FOCAD: variants seen among roughly 807,000 people sequenced by gnomAD.
FOCAD encodes KIAA1797.
In FOCAD, 198 loss-of-function variants were observed where a neutral mutation model predicts 225.6. The observed-to-expected ratio is 0.88, with a 90% CI of 0.78 to 0.99. The LOEUF (loss-of-function observed/expected upper bound fraction) is 0.99. Ranked by LOEUF, FOCAD falls within the 50% of genes least tolerant of loss-of-function variation. The pLI is 0.00. For synonymous variants in FOCAD, 897 were observed against 755.0 expected (o/e 1.19, Z -3.08); for missense variants, 2,713 against 2,123.6 (o/e 1.28, Z -5.46).
chr9:20,736,578 C>G (rs1827168070), intron 4 of FOCAD, among the ~76,000 whole-genome samples: 1 of 152,124 alleles, frequency 6.6e-6, no homozygotes, highest in Non-Finnish European at 1.5e-5. Context: ...TAGTTTTAGG[C>G]AAATTCCAGG....
chr9:20,706,971 A>T (rs778393173), intron 1 of FOCAD, among the ~76,000 whole-genome samples: 3 of 152,260 alleles, frequency 2.0e-5, no homozygotes, highest in Non-Finnish European at 4.4e-5. Context: ...TGGAGGAAGC[A>T]GACCCCAGCC....
chr9:20,913,717 G>T (rs78421686), intron 23 of FOCAD, among the ~76,000 whole-genome samples: 3,515 of 152,148 alleles, frequency 0.023, 49 homozygotes, highest in Non-Finnish European at 0.034. Context: ...ATATTTTCTA[G>T]ATTTATCAAA....
In FOCAD at chr9:20,874,782, A is replaced by T; in HGVS notation, c.2292A>T (p.Ser764=). ...VPGSCYLKLL[S]LTPPLVLPAL... ...GCTCTTGCTATCTCAAACTGTTGTC[A>T]CTCACTCCCCCTTTGGTTTTACCAG... is the stretch of plus-strand genomic sequence containing the variant. The change falls in exon 19 of 44, where the codon TCA becomes TCT. Residue 764 remains serine, a synonymous_variant. Coordinates refer to ENST00000338382, the MANE Select transcript of FOCAD (RefSeq NM_001375567.1). 6.2e-7 allele frequency: 1 copy of T among 1,613,506 alleles called. No homozygotes were observed. The highest frequency in any genetic ancestry group is 8.5e-7 in the Non-Finnish European group (1 of 1,179,674).
intron 2 of FOCAD, among the ~76,000 whole-genome samples, chr9:20,668,896 G>A (rs1821975455): frequency 6.6e-6 from 1 of 152,126 alleles, no homozygotes; most frequent in Non-Finnish European, 1.5e-5. Context: ...CTGTTCCCAG[G>A]CTGTGTGGCA....
At chr9:20,715,105 A>C (rs1293635404) in intron 1 of FOCAD, among the ~76,000 whole-genome samples, 1 of 152,228 alleles carries the variant, frequency 6.6e-6, no homozygotes, top group African/African-American at 2.4e-5. Flanking sequence ...GGAAAAACCA[A>C]GAGCTGTTGG....
chr9:20,939,400 T>G (rs950875158), intron 28 of FOCAD, among the ~76,000 whole-genome samples: 5 of 152,124 alleles, frequency 3.3e-5, no homozygotes, highest in African/African-American at 1.2e-4. Flanking sequence ...CCAAAGATGT[T>G]CATTGTAGCT....
At chr9:20,843,646 C>T (rs1170994422) in intron 15 of FOCAD, among the ~76,000 whole-genome samples, 1 of 152,006 alleles carries the variant, frequency 6.6e-6, no homozygotes, top group Non-Finnish European at 1.5e-5. Flanking sequence ...TGATATCTTT[C>T]TCTAGGTTTG....
intron 26 of FOCAD, among the ~76,000 whole-genome samples, chr9:20,927,445 G>A (rs1214647329): frequency 6.6e-6 from 1 of 151,856 alleles, no homozygotes; most frequent in African/African-American, 2.4e-5. Flanking sequence ...TAAAAAGATT[G>A]TGAAGATCAA....
intron 18 of FOCAD, among the ~76,000 whole-genome samples, chr9:20,873,257 G>A (rs1197449315): frequency 1.3e-5 from 2 of 152,110 alleles, no homozygotes; most frequent in African/African-American, 4.8e-5. Flanking sequence ...TGTGTAAAAT[G>A]TCAGGAAGCA....
chr9:20,660,002 G>T lies in FOCAD; in HGVS notation c.-78+1176G>T, dbSNP rs571783029. Among the ~76,000 whole-genome samples, 3 of 152,292 alleles carry T rather than the reference G, an allele frequency of 2.0e-5. No individual in the cohort carries two copies. The South Asian group carries it at 6.2e-4, about 32-fold the overall frequency. On this transcript the variant is annotated intron_variant, in intron 2 of 45. Transcript: ENST00000380249. Reference sequence around the variant, plus strand: ...GGCTGGGTGAATAATATGCCATCAAGGCCTGAAGTAAGAAATATAGGAAGA... The same window carrying T: ...GGCTGGGTGAATAATATGCCATCAATGCCTGAAGTAAGAAATATAGGAAGA...
At chr9:20,988,276 T>C in intron 40 of FOCAD, 56 bp from the exon 41 acceptor site, 1 of 1,113,938 alleles carries the variant, frequency 9.0e-7, no homozygotes, top group Non-Finnish European at 1.3e-6. Flanking sequence ...TACTGATCTG[T>C]TTTACATTTC....
At chr9:20,865,796 C>T (rs909687042) in intron 16 of FOCAD, 130 bp from the exon 17 acceptor site, 13 of 599,456 alleles carry the variant, frequency 2.2e-5, no homozygotes, top group African/African-American at 5.8e-5. Flanking sequence ...TGGGTGAATA[C>T]ACATTAAGTG....
intron 15 of FOCAD, among the ~76,000 whole-genome samples, chr9:20,858,548 AC>A (rs1828442076): frequency 6.6e-6 from 1 of 152,050 alleles, no homozygotes; most frequent in Non-Finnish European, 1.5e-5. Flanking sequence ...TTTTCAAGAA[AC>A]CAACTTTTCA....
upstream of FOCAD, among the ~76,000 whole-genome samples, chr9:20,679,350 C>G (rs751636018): frequency 2.5e-4 from 38 of 152,074 alleles, no homozygotes; most frequent in Non-Finnish European, 4.6e-4. Context: ...TGATTTAGTA[C>G]TGAATTTCTC....
At chr9:20,826,916 T>C (rs1352994376) in intron 15 of FOCAD, among the ~76,000 whole-genome samples, 2 of 152,164 alleles carry the variant, frequency 1.3e-5, no homozygotes, top group African/African-American at 4.8e-5. Flanking sequence ...ATCTTTTCCA[T>C]TGAGCTTTCT....
chr9:20,679,473 C>T (rs577163404), upstream of FOCAD, among the ~76,000 whole-genome samples: 13 of 152,100 alleles, frequency 8.5e-5, no homozygotes, highest in Non-Finnish European at 1.6e-4. Context: ...GGTGACATGA[C>T]CTTCCTTACA....
rs766874477 is a variant in FOCAD at position 20,764,992 on chromosome 9, G to T, written c.618G>T (p.Gln206His). 5 of 1,614,042 alleles carry T rather than the reference G, an allele frequency of 3.1e-6. No homozygotes were observed. The highest frequency in any genetic ancestry group is 2.2e-5 in the South Asian group (2 of 91,078). The change falls in exon 7 of 44, where the codon CAG becomes CAT. Residue 206 changes from glutamine (Q) to histidine (H), a missense_variant. Transcript: ENST00000338382. The stretch of plus-strand genomic sequence containing the variant: ...TGCTGAAAGTCTTACTTCAACCCCA[G>T]GTTCTTTGTGACAAAGATCAACCAT... Reference protein sequence around the residue: ...LALLKVLLQPQVLCDKDQPSI... With the variant: ...LALLKVLLQPHVLCDKDQPSI...
At chr9:20,716,085 G>A (rs376323297) in intron 2 of FOCAD, 80 of 447,164 alleles carry the variant, frequency 1.8e-4, no homozygotes, top group Middle Eastern at 1.1e-3. Context: ...AATTAACTTC[G>A]GAGATGTCTG....
At chr9:20,969,726 A>T (rs968758485) in intron 35 of FOCAD, among the ~76,000 whole-genome samples, 1 of 146,580 alleles carries the variant, frequency 6.8e-6, no homozygotes, top group Non-Finnish European at 1.5e-5. Context: ...ATATATATAG[A>T]TATATAACAA....
Sources: gnomAD v4.1 joint callset for allele counts (sites outside exome capture counted in the v4.1 genomes callset) on GRCh38, gnomAD v4.1.1 for gene constraint, MANE v1.5 for transcripts, NCBI Gene and HGNC (gene_info 2026-07-23, HGNC 2026-07-21) for gene names.